The following MPDZ variants were observed in gnomAD, a reference collection of about 807,000 sequenced individuals.
The protein encoded by MPDZ is multiple PDZ domain crumbs cell polarity complex component.
MPDZ carries 234 observed loss-of-function variants against 239.1 expected under a neutral mutation model. That is an observed-to-expected ratio of 0.98 (90% CI 0.88 to 1.09). MPDZ has a LOEUF of 1.09. MPDZ is among the 50% of genes least tolerant of loss of function. The pLI is 0.00. For synonymous variants in MPDZ, 1,048 were observed against 881.3 expected, an observed-to-expected ratio of 1.19 and a Z score of -3.35; for missense variants, 3,175 against 2,510.0, an observed-to-expected ratio of 1.26 and a Z score of -5.66.
chr9:13,245,799 CT>C (rs1346940109), intron 3 of MPDZ, among the ~76,000 whole-genome samples: 1 of 152,194 alleles, frequency 6.6e-6, no homozygotes, highest in Non-Finnish European at 1.5e-5. Context: ...CCATATTCTA[CT>C]TCCATATGGA....
At chr9:13,237,431 G>C (rs1298867412) in intron 3 of MPDZ, among the ~76,000 whole-genome samples, 3 of 89,990 alleles carry the variant, frequency 3.3e-5, no homozygotes, top group Admixed American at 1.9e-4. Flanking sequence ...GACAGAGCAA[G>C]ACACTGTCTC....
intron 1 of MPDZ, among the ~76,000 whole-genome samples, chr9:13,268,883 G>A (rs1972376999): frequency 1.3e-5 from 2 of 152,242 alleles, no homozygotes; most frequent in South Asian, 4.1e-4. Flanking sequence ...CATTGGGGAG[G>A]GAGTTTGGAG....
intron 3 of MPDZ, among the ~76,000 whole-genome samples, chr9:13,241,866 T>C (rs948250373): frequency 2.0e-5 from 3 of 152,204 alleles, no homozygotes; most frequent in Non-Finnish European, 2.9e-5. Flanking sequence ...TCCTCAGACA[T>C]GTCCTGGTAT....
chr9:13,247,599 T>G lies in MPDZ; in HGVS notation c.183+36A>C, dbSNP rs1395503405. Reference sequence around the variant, plus strand: ...CAAGCCTTTCACAAGATCTATGCCATGTCGTGAATGCCTGCTTGGGTGAAT... The same window carrying G: ...CAAGCCTTTCACAAGATCTATGCCAGGTCGTGAATGCCTGCTTGGGTGAAT... On this transcript the variant is annotated intron_variant, in intron 3 of 46. Transcript: ENST00000319217. The G allele has an allele frequency of 3.2e-6, 5 of 1,582,240 alleles. No individual in the cohort carries two copies. In the East Asian group the frequency reaches 9.0e-5, roughly 29 times the overall value.
intron 12 of MPDZ, among the ~76,000 whole-genome samples, chr9:13,197,887 G>A (rs1955853408): frequency 6.6e-6 from 1 of 152,004 alleles, no homozygotes; most frequent in South Asian, 2.1e-4. Context: ...TTAACACAAT[G>A]TCCTCCAGTT....
chr9:13,195,505 C>T (rs575102447), intron 13 of MPDZ, among the ~76,000 whole-genome samples: 78 of 151,808 alleles, frequency 5.1e-4, no homozygotes, highest in African/African-American at 1.8e-3. Flanking sequence ...TTTTGAAATC[C>T]GTGAAATTTG....
In MPDZ at chr9:13,183,593, C is replaced by A. The variant is rs200127022; in HGVS notation, c.2482-8G>T. On this transcript the variant is annotated splice_polypyrimidine_tract_variant and splice_region_variant and intron_variant, in intron 18 of 46. Transcript: ENST00000319217. Reference sequence around the variant, plus strand: ...AGCATCATTTGTGCCCACCTAGAAACAAAACAATAATATCAGTTGGGAATT... The same window carrying A: ...AGCATCATTTGTGCCCACCTAGAAAAAAAACAATAATATCAGTTGGGAATT... 1.1e-4 allele frequency: 177 copies of A among 1,610,744 alleles called. No homozygotes were observed. The highest frequency in any genetic ancestry group is 1.4e-4 in the Non-Finnish European group (163 of 1,178,432).
chr9:13,217,191 T>C lies in MPDZ; in HGVS notation c.1190A>G (p.Asp397Gly), dbSNP rs755709343. ...LGITIAGYIGDKKLEPSGIFV... is the reference protein window; with the variant it reads ...LGITIAGYIGGKKLEPSGIFV... ...ATGTTTAAAATTACCCAATTTTTTA[T>C]CTCCAATGTAGCCAGCAATGGTAAT... The change falls in exon 9 of 47, where the codon GAT becomes GGT. Residue 397 changes from aspartate to glycine, a missense_variant. By Grantham distance (94) the Asp-to-Gly change is moderately conservative. Coordinates refer to ENST00000319217, the MANE Select transcript of MPDZ (RefSeq NM_001378778.1). The C allele has an allele frequency of 6.3e-7, 1 of 1,581,596 alleles. No individual in the cohort carries two copies. Among genetic ancestry groups the C allele is most frequent in the Admixed American group, 1.8e-5 (1 of 55,046 alleles).
At chr9:13,278,606 G>T (rs1005174988) in intron 1 of MPDZ, among the ~76,000 whole-genome samples, 10 of 152,190 alleles carry the variant, frequency 6.6e-5, no homozygotes, top group African/African-American at 2.4e-4. Flanking sequence ...GGTAACATCC[G>T]GCATCCTGGG....
intron 1 of MPDZ, among the ~76,000 whole-genome samples, chr9:13,258,976 T>C (rs1970041982): frequency 6.6e-6 from 1 of 152,080 alleles, no homozygotes; most frequent in Non-Finnish European, 1.5e-5. Flanking sequence ...TCCCAGCTAC[T>C]GGGGAGACCG....
chr9:13,206,734 G>T (rs567089676), intron 10 of MPDZ, among the ~76,000 whole-genome samples: 2 of 152,140 alleles, frequency 1.3e-5, no homozygotes, highest in African/African-American at 2.4e-5. Context: ...AGTAAAGACG[G>T]GGTTTGACCA....
chr9:13,170,188 T>A (rs1331730296), intron 21 of MPDZ, among the ~76,000 whole-genome samples: 1 of 152,124 alleles, frequency 6.6e-6, no homozygotes, highest in Non-Finnish European at 1.5e-5. Flanking sequence ...CACAAATTCC[T>A]TTTTAGGTTT....
intron 4 of MPDZ, among the ~76,000 whole-genome samples, chr9:13,223,956 C>G (rs1456235778): frequency 6.6e-6 from 1 of 151,808 alleles, no homozygotes; most frequent in Non-Finnish European, 1.5e-5. Context: ...ATCCCTTGAG[C>G]CCAGGAATTT....
chr9:13,123,403 GC>G, intron 35 of MPDZ, 105 bp from the exon 36 acceptor site: 1 of 845,914 alleles, frequency 1.2e-6, no homozygotes, highest in Non-Finnish European at 1.8e-6. Context: ...AGAGAAATGG[GC>G]CCATGACTGT....
At chr9:13,115,773 G>A (rs1044347418) in intron 39 of MPDZ, among the ~76,000 whole-genome samples, 17 of 151,790 alleles carry the variant, frequency 1.1e-4, no homozygotes, top group Non-Finnish European at 1.9e-4. Flanking sequence ...GTGAAACCCT[G>A]TCTCTACTAA....
intron 38 of MPDZ, among the ~76,000 whole-genome samples, chr9:13,121,398 A>G (rs1944324793): frequency 6.6e-6 from 1 of 152,224 alleles, no homozygotes; most frequent in African/African-American, 2.4e-5. Context: ...TTGCAAGAAT[A>G]TATTTAATTC....
chr9:13,247,643 T>C lies in MPDZ; in HGVS notation c.175A>G (p.Lys59Glu), dbSNP rs1184988970. ...GGTGAATGATGTCCTACCTGGTCTT[T>C]CAGCTGCTGTACAGAAGTCTGAAGG... ...LSLQTSVQQL[K>E]DQVNIATSAT... The change falls in exon 3 of 47, where the codon AAA becomes GAA. Residue 59 changes from lysine (K) to glutamate (E), a missense_variant. Transcript: ENST00000319217. 1 of 1,610,522 alleles carries C rather than the reference T, an allele frequency of 6.2e-7. No homozygotes were observed. Among genetic ancestry groups the C allele is most frequent in the East Asian group, 2.2e-5 (1 of 44,754 alleles).
In MPDZ at chr9:13,176,298, C is replaced by A; in HGVS notation, c.2769G>T (p.Met923Ile). 6.2e-7 allele frequency: 1 copy of A among 1,610,456 alleles called. No homozygotes were observed. Among genetic ancestry groups the A allele is most frequent in the South Asian group, 1.1e-5 (1 of 90,288 alleles). ...DENTPSVDISMGPASGFTIND... is the reference protein window; with the variant it reads ...DENTPSVDISIGPASGFTIND... ...TTATAGTAAAGCCAGAAGCAGGCCC[C>A]ATACTTATGTCCACCGAAGGTGTAT... is the stretch of plus-strand genomic sequence containing the variant. The change falls in exon 20 of 47, where the codon ATG becomes ATT. Residue 923 changes from methionine (M) to isoleucine (I), a missense_variant. Physicochemically the swap from Met to Ile is conservative, Grantham distance 10. Transcript: ENST00000319217.
intron 21 of MPDZ, among the ~76,000 whole-genome samples, chr9:13,173,469 G>C (rs1302262626): frequency 6.6e-6 from 1 of 152,002 alleles, no homozygotes; most frequent in African/African-American, 2.4e-5. Context: ...TTGGGAGGCG[G>C]AGATGGGTGG....
Sources: gnomAD v4.1 joint callset for allele counts (sites outside exome capture counted in the v4.1 genomes callset) on GRCh38, gnomAD v4.1.1 for gene constraint, MANE v1.5 for transcripts, NCBI Gene and HGNC (gene_info 2026-07-23, HGNC 2026-07-21) for gene names.